Variants in MAGI1 observed in about 807,000 individuals in gnomAD.
MAGI1 encodes membrane-associated guanylate kinase, WW and PDZ domain-containing protein 1.
Under a neutral mutation model 139.9 loss-of-function variants are expected in MAGI1, and 58 were observed. The observed-to-expected ratio is 0.41, with a 90% CI of 0.34 to 0.52. The LOEUF is 0.52. MAGI1 is among the 20% of genes least tolerant of loss of function. The pLI, the probability that MAGI1 is intolerant of heterozygous loss-of-function variation, is 0.12. For synonymous variants in MAGI1, 812 were observed against 737.9 expected, an observed-to-expected ratio of 1.10 and a Z score of -1.63; for missense variants, 1,874 against 1,901.6, an observed-to-expected ratio of 0.99 and a Z score of 0.27.
intron 1 of MAGI1, among the ~76,000 whole-genome samples, chr3:65,680,780 T>TATGAC (rs1400052869): frequency 1.5e-5 from 2 of 136,044 alleles, no homozygotes; most frequent in African/African-American, 7.4e-5. Context: ...TATGATATGA[T>TATGAC]ATGATATGAT....
Position 65,842,385 on chromosome 3 carries a change from A to G in MAGI1, c.313+195611T>C, listed in dbSNP as rs567352828. On this transcript the variant is annotated intron_variant, in intron 1 of 22. Transcript: ENST00000402939. ...TACTTTTTTTTTTTTTTTGACACGG[A>G]GTTTCGCTCTTGTTGCCCAGGCTGG... Among the ~76,000 whole-genome samples the G allele has an allele frequency of 2.4e-4, 34 of 142,904 alleles. 2 individuals carry two copies. The highest frequency in any genetic ancestry group is 8.4e-4 in the African/African-American group (32 of 38,182). 93.8% of individuals were successfully genotyped at this position (142,904 alleles called of 152,430 possible). A position where few individuals can be genotyped will look rare whatever the true frequency, so the allele number is the denominator to read the frequency against.
At chr3:65,766,236 C>A (rs968336207) in intron 1 of MAGI1, among the ~76,000 whole-genome samples, 5 of 152,196 alleles carry the variant, frequency 3.3e-5, no homozygotes, top group Non-Finnish European at 7.4e-5. Context: ...ACTCAGAAAT[C>A]GGGAGTTTAA....
intron 5 of MAGI1, among the ~76,000 whole-genome samples, chr3:65,463,558 ATGTGTGTGTGTG>A (rs56135171): frequency 0.096 from 13,554 of 140,790 alleles, 804 homozygotes; most frequent in Non-Finnish European, 0.14. Flanking sequence ...TTGGCCTGAA[ATGTGTGTGTGTG>A]TGTGTGTGTG....
chr3:66,020,785 T>G (rs1469369957), intron 1 of MAGI1, among the ~76,000 whole-genome samples: 1 of 152,116 alleles, frequency 6.6e-6, no homozygotes, highest in Non-Finnish European at 1.5e-5. Context: ...CATAAAATAC[T>G]CAAGTTGAAA....
intron 5 of MAGI1, among the ~76,000 whole-genome samples, chr3:65,459,952 G>A (rs1949663910): frequency 6.6e-6 from 1 of 152,072 alleles, no homozygotes; most frequent in Admixed American, 6.6e-5. Context: ...AAAGAAAAAA[G>A]AGTGGGGACA....
intron 2 of MAGI1, chr3:65,549,468 C>A: frequency 1.0e-6 from 1 of 985,368 alleles, no homozygotes; most frequent in South Asian, 4.7e-5. Flanking sequence ...CAGGCGCGCG[C>A]TCGGTGGCCG....
intron 1 of MAGI1, among the ~76,000 whole-genome samples, chr3:66,014,249 T>C (rs1002475082): frequency 6.6e-6 from 1 of 152,192 alleles, no homozygotes; most frequent in Admixed American, 6.5e-5. Flanking sequence ...CCGAGACATA[T>C]GGTCACCCTT....
At chr3:65,411,919 C>T (rs577165903) in intron 12 of MAGI1, among the ~76,000 whole-genome samples, 1 of 152,256 alleles carries the variant, frequency 6.6e-6, no homozygotes, top group African/African-American at 2.4e-5. Flanking sequence ...ACTGCCACTA[C>T]CTTCTCTTGC....
intron 2 of MAGI1, among the ~76,000 whole-genome samples, chr3:65,548,203 G>T (rs1156356339): frequency 6.6e-6 from 1 of 152,224 alleles, no homozygotes; most frequent in African/African-American, 2.4e-5. Context: ...TGAGTGAGCA[G>T]GGAAGCCACA....
intron 1 of MAGI1, among the ~76,000 whole-genome samples, chr3:65,984,518 G>C (rs2065770965): frequency 8.1e-6 from 1 of 122,912 alleles, no homozygotes; most frequent in African/African-American, 2.9e-5. Context: ...TAAAATGTGT[G>C]TGTGTGTGTG....
chr3:65,677,354 C>T (rs1201547401), intron 1 of MAGI1, among the ~76,000 whole-genome samples: 1 of 152,128 alleles, frequency 6.6e-6, no homozygotes, highest in African/African-American at 2.4e-5. Context: ...GACTAAGAGG[C>T]TTCTGCAGTC....
intron 1 of MAGI1, among the ~76,000 whole-genome samples, chr3:66,030,787 G>T (rs1337991530): frequency 2.0e-5 from 3 of 152,146 alleles, no homozygotes; most frequent in African/African-American, 7.2e-5. Context: ...CTCAGATACA[G>T]AGACTACAGA....
At chr3:65,982,475 T>A (rs2065636436) in intron 1 of MAGI1, among the ~76,000 whole-genome samples, 1 of 152,332 alleles carries the variant, frequency 6.6e-6, no homozygotes, top group East Asian at 1.9e-4. Context: ...CCTGGGCAAC[T>A]TCCATGGTGC....
intron 1 of MAGI1, among the ~76,000 whole-genome samples, chr3:65,696,282 T>G (rs1407561227): frequency 6.6e-6 from 1 of 152,194 alleles, no homozygotes; most frequent in Non-Finnish European, 1.5e-5. Flanking sequence ...TTTCTGCCAT[T>G]TCATTCAGCT....
chr3:65,997,758 T>G (rs561583919), intron 1 of MAGI1, among the ~76,000 whole-genome samples: 1 of 152,286 alleles, frequency 6.6e-6, no homozygotes, highest in South Asian at 2.1e-4. Flanking sequence ...CTTTTGTGTT[T>G]CCTCTTTTCC....
intron 1 of MAGI1, among the ~76,000 whole-genome samples, chr3:65,821,702 A>G (rs1362980721): frequency 3.3e-5 from 5 of 152,218 alleles, no homozygotes; most frequent in African/African-American, 4.8e-5. Flanking sequence ...AACCAAAAGA[A>G]GCAACATCAT....
In MAGI1 at chr3:65,381,931, C is replaced by T; in HGVS notation, c.2647G>A (p.Ala883Thr). The change falls in exon 16 of 23, where the codon GCT becomes ACT. Residue 883 changes from alanine (A) to threonine (T), a missense_variant. Coordinates refer to ENST00000402939, the MANE Select transcript of MAGI1 (RefSeq NM_001033057.2). ...HQLVVQLMQQAAKQGHVNLTV... is the reference protein window; with the variant it reads ...HQLVVQLMQQTAKQGHVNLTV... ...AGATTGACGTGGCCTTGCTTGGCAGCTTGTTGCATAAGCTGGACCACAAGC... is the reference window on the plus strand; with the variant it reads ...AGATTGACGTGGCCTTGCTTGGCAGTTTGTTGCATAAGCTGGACCACAAGC... 1 of 1,614,086 alleles carries T rather than the reference C, an allele frequency of 6.2e-7. No homozygotes were observed. Among genetic ancestry groups the T allele is most frequent in the Non-Finnish European group, 8.5e-7 (1 of 1,180,006 alleles).
At chr3:65,617,432 T>C (rs1308260200) in intron 2 of MAGI1, among the ~76,000 whole-genome samples, 2 of 152,192 alleles carry the variant, frequency 1.3e-5, no homozygotes, top group Non-Finnish European at 2.9e-5. Flanking sequence ...TGCATTTATC[T>C]TCATGGGAAA....
At chr3:65,565,735 T>C (rs897589496) in intron 2 of MAGI1, among the ~76,000 whole-genome samples, 8 of 151,264 alleles carry the variant, frequency 5.3e-5, no homozygotes, top group African/African-American at 1.9e-4. Flanking sequence ...TGCACACCTA[T>C]AATCCCAGCT....
Sources: allele counts gnomAD v4.1 joint callset (sites outside exome capture counted in the v4.1 genomes callset), GRCh38; gene constraint gnomAD v4.1.1; transcripts MANE v1.5; gene names NCBI Gene and HGNC (gene_info 2026-07-23, HGNC 2026-07-21).